The following CNTN5 variants were observed in gnomAD, a reference collection of about 807,000 sequenced individuals.
The protein encoded by CNTN5 is contactin 5.
CNTN5 carries 77 observed loss-of-function variants against 129.1 expected under a neutral mutation model. The ratio of observed to expected loss-of-function variants is 0.60; its 90% confidence interval spans 0.50 to 0.72. The LOEUF is 0.72. Among genes scored for constraint, CNTN5 ranks in the 30% least tolerant of loss-of-function variants. The probability of loss-of-function intolerance (pLI) is 0.00; values close to 1 mark genes in which losing one functional copy is unlikely to be tolerated. For missense variants in CNTN5, 1,478 were observed against 1,328.8 expected (o/e 1.11, Z -1.75); for synonymous variants, 509 against 465.6 (o/e 1.09, Z -1.20).
intron 1 of CNTN5, among the ~76,000 whole-genome samples, chr11:99,126,264 T>C (rs940993334): frequency 6.6e-6 from 1 of 152,206 alleles, no homozygotes; most frequent in Non-Finnish European, 1.5e-5. Context: ...TATGTCATGT[T>C]GAACAGTAAA....
chr11:99,781,746 T>C (rs933091873), intron 3 of CNTN5, among the ~76,000 whole-genome samples: 1 of 152,102 alleles, frequency 6.6e-6, no homozygotes, highest in African/African-American at 2.4e-5. Context: ...TCTCAATAGA[T>C]GCAGAAAAGG....
At chr11:100,164,158 T>G (rs1042392384) in intron 13 of CNTN5, among the ~76,000 whole-genome samples, 8 of 151,802 alleles carry the variant, frequency 5.3e-5, no homozygotes, top group African/African-American at 1.9e-4. Context: ...CTTGAGAGAC[T>G]AAGTTTTCAT....
intron 13 of CNTN5, among the ~76,000 whole-genome samples, chr11:100,107,810 A>G (rs748538350): frequency 2.6e-5 from 4 of 152,056 alleles, no homozygotes; most frequent in Admixed American, 6.6e-5. Context: ...CCAGTGATAC[A>G]AATGTATACA....
At chr11:99,787,595 A>C (rs1404995710) in intron 3 of CNTN5, among the ~76,000 whole-genome samples, 1 of 151,902 alleles carries the variant, frequency 6.6e-6, no homozygotes, top group East Asian at 1.9e-4. Context: ...ATAAGTTGTC[A>C]TTGCCAGTAA....
At chr11:99,718,150 T>C (rs1321203225) in intron 3 of CNTN5, among the ~76,000 whole-genome samples, 8 of 151,880 alleles carry the variant, frequency 5.3e-5, no homozygotes, top group Non-Finnish European at 1.5e-5. Context: ...GAATTATTTA[T>C]TTCTTTTTAA....
intron 2 of CNTN5, among the ~76,000 whole-genome samples, chr11:99,410,125 T>C (rs1485491821): frequency 6.6e-6 from 1 of 152,178 alleles, no homozygotes. Flanking sequence ...AAAAGAATGA[T>C]TAATGACTTG....
At chr11:100,324,666 T>A (rs1951755908) in intron 21 of CNTN5, among the ~76,000 whole-genome samples, 1 of 152,270 alleles carries the variant, frequency 6.6e-6, no homozygotes, top group East Asian at 1.9e-4. Context: ...CTACATGTGT[T>A]AGGAAAATAT....
At chr11:100,279,415 T>G (rs1328722098) in intron 18 of CNTN5, among the ~76,000 whole-genome samples, 1 of 152,030 alleles carries the variant, frequency 6.6e-6, no homozygotes, top group Admixed American at 6.6e-5. Context: ...TTTGGCAGAA[T>G]TCAGCAGTGA....
intron 1 of CNTN5, among the ~76,000 whole-genome samples, chr11:99,034,186 G>C (rs1863567978): frequency 6.6e-6 from 1 of 152,138 alleles, no homozygotes; most frequent in Non-Finnish European, 1.5e-5. Flanking sequence ...TTTTATTGAG[G>C]ATTTTTGCAT....
chr11:100,101,669 G>T (rs2138063160), intron 13 of CNTN5, among the ~76,000 whole-genome samples: 1 of 152,066 alleles, frequency 6.6e-6, no homozygotes, highest in African/African-American at 2.4e-5. Context: ...AGATTTTGGT[G>T]CACCTGTCAC....
chr11:99,648,336 TCAGG>T (rs1952040174), intron 3 of CNTN5, among the ~76,000 whole-genome samples: 1 of 151,872 alleles, frequency 6.6e-6, no homozygotes, highest in African/African-American at 2.4e-5. Context: ...TTACTAATGA[TCAGG>T]TAAATGCAAA....
chr11:99,272,950 C>A (rs1039487813), intron 1 of CNTN5, among the ~76,000 whole-genome samples: 6 of 151,768 alleles, frequency 4.0e-5, no homozygotes, highest in African/African-American at 1.5e-4. Context: ...GAATTAAGAA[C>A]TTTACATTGA....
At chr11:99,261,195 C>CATA (rs76325861) in intron 1 of CNTN5, among the ~76,000 whole-genome samples, 14,799 of 151,716 alleles carry the variant, frequency 0.098, 1,536 homozygotes, top group East Asian at 0.46. Flanking sequence ...TGTCACATAC[C>CATA]ATAAGTCCCA....
intron 2 of CNTN5, among the ~76,000 whole-genome samples, chr11:99,334,708 A>G (rs1312792786): frequency 1.3e-5 from 2 of 152,042 alleles, no homozygotes; most frequent in Admixed American, 1.3e-4. Context: ...AAAGTACAAC[A>G]CAAGTTTCCA....
At chr11:100,225,854 A>T (rs1949361677) in intron 16 of CNTN5, among the ~76,000 whole-genome samples, 2 of 152,244 alleles carry the variant, frequency 1.3e-5, no homozygotes, top group South Asian at 4.1e-4. Context: ...TTAAATATTA[A>T]AAATCTTGAA....
chr11:99,415,254 G>A lies in CNTN5; in HGVS notation c.-71+89770G>A, dbSNP rs181554296. ...TGAATAACCTAAAGGTACATGGGAA[G>A]CCATCTGATTTTCTTCTGAGGTTTA... On this transcript the variant is annotated intron_variant, in intron 2 of 24. Coordinates refer to ENST00000524871, the MANE Select transcript of CNTN5 (RefSeq NM_014361.4). Among the ~76,000 whole-genome samples the A allele has an allele frequency of 8.5e-5, 13 of 152,222 alleles. 1 individual carries two copies. The highest frequency in any genetic ancestry group is 1.8e-4 in the Non-Finnish European group (12 of 68,012).
intron 1 of CNTN5, among the ~76,000 whole-genome samples, chr11:99,207,413 A>G (rs1233686662): frequency 6.6e-6 from 1 of 152,144 alleles, no homozygotes; most frequent in Non-Finnish European, 1.5e-5. Context: ...TTGCTGAAGC[A>G]CACTCCAAGA....
chr11:100,028,270 G>C (rs936920925), intron 9 of CNTN5, among the ~76,000 whole-genome samples: 40 of 152,014 alleles, frequency 2.6e-4, no homozygotes, highest in African/African-American at 9.2e-4. Flanking sequence ...ACATTTTTCA[G>C]TGCCAAGTGA....
intron 1 of CNTN5, among the ~76,000 whole-genome samples, chr11:99,149,751 G>A (rs1565357148): frequency 6.6e-5 from 10 of 151,760 alleles, no homozygotes. Flanking sequence ...TTCTACAACT[G>A]GTCATAAAGT....
Sources: gnomAD v4.1 joint callset for allele counts (sites outside exome capture counted in the v4.1 genomes callset) on GRCh38, gnomAD v4.1.1 for gene constraint, MANE v1.5 for transcripts, NCBI Gene and HGNC (gene_info 2026-07-23, HGNC 2026-07-21) for gene names.